Variants in DOK6 observed in about 807,000 individuals in gnomAD.
DOK6 encodes downstream of tyrosine kinase 6.
Under a neutral mutation model 44.0 loss-of-function variants are expected in DOK6, and 22 were observed. That is an observed-to-expected ratio of 0.50 (90% CI 0.36 to 0.71). DOK6 has a LOEUF of 0.71. Among genes scored for constraint, DOK6 ranks in the 30% least tolerant of loss-of-function variants. DOK6 has a pLI of 0.00. For synonymous variants in DOK6, 166 were observed against 145.5 expected (o/e 1.14, Z -1.01); for missense variants, 340 against 416.4 (o/e 0.82, Z 1.60).
intron 3 of DOK6, among the ~76,000 whole-genome samples, chr18:69,640,063 C>G (rs549132834): frequency 1.3e-5 from 2 of 152,274 alleles, no homozygotes; most frequent in African/African-American, 4.8e-5. Context: ...CCTTTCTGCT[C>G]ATTTTATTGC....
chr18:69,677,635 A>C, intron 3 of DOK6, 99 bp from the exon 4 acceptor site: 3 of 1,589,842 alleles, frequency 1.9e-6, no homozygotes, highest in Middle Eastern at 1.7e-4. Context: ...GCAGGTTCTT[A>C]ACTCTTGCCA....
chr18:69,483,443 A>G (rs1980486962), intron 1 of DOK6, among the ~76,000 whole-genome samples: 1 of 152,032 alleles, frequency 6.6e-6, no homozygotes, highest in Admixed American at 6.6e-5. Flanking sequence ...AAGAGTTTTG[A>G]GGCCCCATCT....
intron 1 of DOK6, among the ~76,000 whole-genome samples, chr18:69,516,413 G>C (rs1981524136): frequency 6.6e-6 from 1 of 152,170 alleles, no homozygotes; most frequent in African/African-American, 2.4e-5. Flanking sequence ...TACAGTAAGT[G>C]AACTGAGTCT....
At chr18:69,605,018 A>C (rs1424872709) in intron 3 of DOK6, among the ~76,000 whole-genome samples, 1 of 151,654 alleles carries the variant, frequency 6.6e-6, no homozygotes, top group East Asian at 1.9e-4. Context: ...TGGCCTCTGG[A>C]TAGAAAATTT....
In DOK6 at chr18:69,602,888, T is replaced by G. The variant is rs369220148; in HGVS notation, c.289+3390T>G. On this transcript the variant is annotated intron_variant, in intron 3 of 7. Coordinates refer to ENST00000382713, the MANE Select transcript of DOK6 (RefSeq NM_152721.6). ...AACTGGTGTTTGAAAAACTAAATTC[T>G]TACACCATCCTATTATAGAATGCTT... Among the ~76,000 whole-genome samples the G allele has an allele frequency of 4.7e-4, 71 of 152,310 alleles. 1 individual carries two copies. Among genetic ancestry groups the G allele is most frequent in the Middle Eastern group, 3.4e-3 (1 of 294 alleles).
intron 3 of DOK6, among the ~76,000 whole-genome samples, chr18:69,612,809 A>G (rs551033980): frequency 2.0e-5 from 3 of 152,260 alleles, no homozygotes; most frequent in African/African-American, 4.8e-5. Context: ...AGTAAAATTT[A>G]TACTTGTTTT....
At chr18:69,411,293 T>A (rs1414647053) in intron 1 of DOK6, among the ~76,000 whole-genome samples, 3 of 152,144 alleles carry the variant, frequency 2.0e-5, no homozygotes, top group Non-Finnish European at 2.9e-5. Context: ...AGCTGGGAAG[T>A]TACTGATGTG....
Position 69,462,862 on chromosome 18 carries a change from C to T in DOK6, c.66+61552C>T, listed in dbSNP as rs181890231. Among the ~76,000 whole-genome samples the T allele has an allele frequency of 2.6e-5, 4 of 152,242 alleles. No individual in the cohort carries two copies. The East Asian group carries it at 5.8e-4, about 22-fold the overall frequency. The stretch of plus-strand genomic sequence containing the variant: ...ACTCAAGCCATTAAGAAATGTCCTG[C>T]CTTTTAAATTCTTTGAGCCCAAAGA... On this transcript the variant is annotated intron_variant, in intron 1 of 7. Coordinates refer to ENST00000382713, the MANE Select transcript of DOK6 (RefSeq NM_152721.6).
chr18:69,811,551 TATATATATATATATATATATATATATCA>T (rs201887737), intron 7 of DOK6, among the ~76,000 whole-genome samples: 19,133 of 53,470 alleles, frequency 0.36, 1,818 homozygotes, highest in East Asian at 0.48. Flanking sequence ...TATATATATA[TATATATATATATATATATATATATATCA>T]AAACACTACG....
At chr18:69,414,929 C>T (rs1978322305) in intron 1 of DOK6, among the ~76,000 whole-genome samples, 1 of 152,102 alleles carries the variant, frequency 6.6e-6, no homozygotes, top group Non-Finnish European at 1.5e-5. Flanking sequence ...AAAGAGTACA[C>T]TCTTTTAGAA....
chr18:69,585,724 A>C (rs752000116), intron 2 of DOK6, among the ~76,000 whole-genome samples: 1 of 152,190 alleles, frequency 6.6e-6, no homozygotes, highest in African/African-American at 2.4e-5. Flanking sequence ...TTTAGCGTCT[A>C]TGTAATCTTG....
At chr18:69,516,682 C>CTTTTTTT (rs34710946) in intron 1 of DOK6, among the ~76,000 whole-genome samples, 2 of 149,556 alleles carry the variant, frequency 1.3e-5, no homozygotes, top group Non-Finnish European at 1.5e-5. Context: ...AAGTACTATA[C>CTTTTTTT]TTTTTTTTTT....
intron 5 of DOK6, among the ~76,000 whole-genome samples, chr18:69,731,289 CTA>C (rs1169173980): frequency 6.6e-6 from 1 of 151,974 alleles, no homozygotes; most frequent in Non-Finnish European, 1.5e-5. Flanking sequence ...ATAATGGTAA[CTA>C]TTTATGTTTT....
chr18:69,801,638 C>G (rs1158224906), intron 7 of DOK6, among the ~76,000 whole-genome samples: 1 of 152,182 alleles, frequency 6.6e-6, no homozygotes, highest in Non-Finnish European at 1.5e-5. Context: ...TTTTAAGGCC[C>G]TTTACACTGG....
At chr18:69,502,240 C>T (rs781104917) in intron 1 of DOK6, among the ~76,000 whole-genome samples, 6 of 151,828 alleles carry the variant, frequency 4.0e-5, no homozygotes, top group African/African-American at 7.3e-5. Context: ...GGAAGAATGA[C>T]GAATTTGAAT....
chr18:69,801,739 A>G (rs1980911344), intron 7 of DOK6, among the ~76,000 whole-genome samples: 3 of 152,184 alleles, frequency 2.0e-5, no homozygotes, highest in Admixed American at 2.0e-4. Context: ...TTTAATTACC[A>G]AAAGTTACTG....
chr18:69,544,311 T>C (rs1982345295), intron 1 of DOK6, among the ~76,000 whole-genome samples: 1 of 151,498 alleles, frequency 6.6e-6, no homozygotes, highest in Non-Finnish European at 1.5e-5. Flanking sequence ...GCTGTAGATA[T>C]CAATGTTATA....
At chr18:69,448,191 C>T (rs1051768046) in intron 1 of DOK6, among the ~76,000 whole-genome samples, 1 of 152,154 alleles carries the variant, frequency 6.6e-6, no homozygotes, top group East Asian at 1.9e-4. Flanking sequence ...CAAATTCTTA[C>T]TTCATTAAAC....
At chr18:69,576,728 G>A (rs143336586) in intron 2 of DOK6, among the ~76,000 whole-genome samples, 128 of 152,286 alleles carry the variant, frequency 8.4e-4, no homozygotes, top group Middle Eastern at 3.4e-3. Flanking sequence ...TATTAAAAAT[G>A]CATTAGGGTT....
Sources: gnomAD v4.1 joint callset for allele counts (sites outside exome capture counted in the v4.1 genomes callset) on GRCh38, gnomAD v4.1.1 for gene constraint, MANE v1.5 for transcripts, NCBI Gene and HGNC (gene_info 2026-07-23, HGNC 2026-07-21) for gene names.